Variants in TNR observed in about 807,000 individuals in gnomAD.
The protein encoded by TNR is tenascin-R.
A neutral mutation model predicts 150.4 loss-of-function variants in TNR; 45 were observed. That is an observed-to-expected ratio of 0.30 (90% CI 0.24 to 0.38). TNR has a LOEUF of 0.38. TNR is among the 10% of genes least tolerant of loss of function. The pLI is 1.00. For synonymous variants in TNR, 687 were observed against 678.4 expected, an observed-to-expected ratio of 1.01 and a Z score of -0.20; for missense variants, 1,544 against 1,759.1, an observed-to-expected ratio of 0.88 and a Z score of 2.19.
chr1:175,400,737 T>A (rs1254725697), intron 4 of TNR, among the ~76,000 whole-genome samples: 1 of 152,122 alleles, frequency 6.6e-6, no homozygotes, highest in East Asian at 1.9e-4. Flanking sequence ...TTCTCTCTCC[T>A]CTCCTCAGTC....
intron 2 of TNR, among the ~76,000 whole-genome samples, chr1:175,477,013 AG>A (rs1235379800): frequency 4.6e-5 from 7 of 152,216 alleles, no homozygotes; most frequent in African/African-American, 1.7e-4. Context: ...TTCATGGGAA[AG>A]AAGAACCAAA....
chr1:175,408,170 A>G (rs1306461061), intron 2 of TNR, among the ~76,000 whole-genome samples: 3 of 152,152 alleles, frequency 2.0e-5, no homozygotes, highest in Non-Finnish European at 4.4e-5. Context: ...TGGACTGCTA[A>G]GTCCTTGTCG....
At chr1:175,663,512 A>G (rs1248410686) in intron 1 of TNR, among the ~76,000 whole-genome samples, 1 of 152,220 alleles carries the variant, frequency 6.6e-6, no homozygotes, top group Non-Finnish European at 1.5e-5. Flanking sequence ...CACAGAAAAC[A>G]CACAAGGATT....
At chr1:175,375,234 T>A (rs1652320354) in intron 9 of TNR, among the ~76,000 whole-genome samples, 3 of 151,894 alleles carry the variant, frequency 2.0e-5, no homozygotes, top group Admixed American at 1.3e-4. Flanking sequence ...TGTTACATGG[T>A]GCCAGGTTCT....
rs145152698 is a variant in TNR, at chr1:175,504,264, T to A, written c.-64+24005A>T. On this transcript the variant is annotated intron_variant, in intron 2 of 22. Coordinates refer to ENST00000367674, the MANE Select transcript of TNR (RefSeq NM_003285.3). Reference sequence around the variant, plus strand: ...GAGTGGCTGTCTTTTCCAGGCCCAGTGCTAGGCGCTCTGCATGCATTATCT... The same window carrying A: ...GAGTGGCTGTCTTTTCCAGGCCCAGAGCTAGGCGCTCTGCATGCATTATCT... 3.9e-3 allele frequency among the ~76,000 whole-genome samples: 600 copies of A among 152,262 alleles called. 7 individuals carry two copies. Among genetic ancestry groups the A allele is most frequent in the African/African-American group, 0.014 (576 of 41,544 alleles).
At chr1:175,365,792 G>A (rs1477614460) in intron 11 of TNR, 83 bp downstream of exon 11, 2 of 1,533,660 alleles carry the variant, frequency 1.3e-6, no homozygotes, top group African/African-American at 2.7e-5. Flanking sequence ...TGGAACATTG[G>A]AAGAGTGACT....
intron 18 of TNR, among the ~76,000 whole-genome samples, chr1:175,340,551 C>T (rs1474057508): frequency 6.6e-6 from 1 of 152,184 alleles, no homozygotes. Flanking sequence ...AAGGCAGAGG[C>T]TCACTAATGG....
chr1:175,510,940 A>C (rs577732810), intron 2 of TNR, among the ~76,000 whole-genome samples: 1 of 152,364 alleles, frequency 6.6e-6, no homozygotes, highest in African/African-American at 2.4e-5. Flanking sequence ...ACTAGTTTAG[A>C]GTAGAATTAC....
intron 14 of TNR, among the ~76,000 whole-genome samples, chr1:175,360,741 A>G (rs1651552595): frequency 6.6e-6 from 1 of 152,222 alleles, no homozygotes; most frequent in African/African-American, 2.4e-5. Flanking sequence ...TTGTATCCAT[A>G]ATCTGCATGT....
chr1:175,332,630 A>G (rs1191010829), intron 20 of TNR, among the ~76,000 whole-genome samples: 1 of 152,150 alleles, frequency 6.6e-6, no homozygotes, highest in Non-Finnish European at 1.5e-5. Flanking sequence ...CTGTGCCTCT[A>G]TTCAACCCAC....
intron 1 of TNR, among the ~76,000 whole-genome samples, chr1:175,673,949 G>T (rs554887902): frequency 6.6e-6 from 1 of 152,254 alleles, no homozygotes; most frequent in African/African-American, 2.4e-5. Context: ...CCTAGGAGGT[G>T]CTGGAGGCAC....
rs138363480 is a variant in TNR, at chr1:175,407,899, G to A, written c.-63-1122C>T. Among the ~76,000 whole-genome samples the A allele has an allele frequency of 1.6e-3, 251 of 152,322 alleles. 2 individuals carry two copies. The highest frequency in any genetic ancestry group is 5.8e-3 in the African/African-American group (242 of 41,568). ...TATGTCCCAGGGCTTTTCTTGAAAA[G>A]AGTGTTCAATTTTCTCTTGTCTTTG... On this transcript the variant is annotated intron_variant, in intron 2 of 22. Coordinates refer to ENST00000367674, the MANE Select transcript of TNR (RefSeq NM_003285.3).
At chr1:175,453,610 G>C (rs770502581) in intron 2 of TNR, among the ~76,000 whole-genome samples, 12 of 151,814 alleles carry the variant, frequency 7.9e-5, no homozygotes, top group Non-Finnish European at 1.6e-4. Context: ...ATCCAGGCTG[G>C]AGTGCTGTGG....
chr1:175,702,554 C>T (rs1255003866), intron 1 of TNR, among the ~76,000 whole-genome samples: 1 of 152,212 alleles, frequency 6.6e-6, no homozygotes, highest in East Asian at 1.9e-4. Flanking sequence ...CTGGTTATCC[C>T]ATGCTGAAAT....
Position 175,415,549 on chromosome 1 carries a change from TC to T in TNR, c.-63-8773del, listed in dbSNP as rs1654400814. On this transcript the variant is annotated intron_variant, in intron 2 of 22. Transcript: ENST00000367674. ...TGTTTGATGTATCCCCATGTGGGAA[TC>T]TGCAGGAAGGGTCTTTGGTTCAGAA... 3.3e-5 allele frequency among the ~76,000 whole-genome samples: 5 copies of T among 152,344 alleles called. No individual in the cohort carries two copies. The South Asian group carries it at 1.0e-3, about 32-fold the overall frequency.
rs1250512701 is a variant in TNR, at chr1:175,665,954, A to G, written c.-165+77272T>C. Among the ~76,000 whole-genome samples the G allele has an allele frequency of 2.0e-5, 3 of 152,196 alleles. No individual in the cohort carries two copies. The East Asian group carries it at 5.8e-4, about 29-fold the overall frequency. ...CTTACTGAATACCTACTATGTGCCA[A>G]AACTTGAGTAATGACAAAGATCATT... On this transcript the variant is annotated intron_variant, in intron 1 of 22. Coordinates refer to ENST00000367674, the MANE Select transcript of TNR (RefSeq NM_003285.3).
intron 6 of TNR, among the ~76,000 whole-genome samples, chr1:175,392,169 T>A (rs1653200499): frequency 1.5e-5 from 2 of 130,318 alleles, no homozygotes. Flanking sequence ...GAATCTAGGA[T>A]TTATTATCTA....
At chr1:175,708,151 T>G (rs1466218748) in intron 1 of TNR, among the ~76,000 whole-genome samples, 2 of 151,686 alleles carry the variant, frequency 1.3e-5, no homozygotes, top group African/African-American at 2.4e-5. Flanking sequence ...TTACAGAGAG[T>G]CAGTAACATA....
intron 2 of TNR, among the ~76,000 whole-genome samples, chr1:175,479,653 C>G (rs558010717): frequency 1.3e-5 from 2 of 152,134 alleles, no homozygotes; most frequent in Non-Finnish European, 2.9e-5. Context: ...ACTGCCTTGA[C>G]GTCAAGCTAA....
Sources: allele counts gnomAD v4.1 joint callset (sites outside exome capture counted in the v4.1 genomes callset), GRCh38; gene constraint gnomAD v4.1.1; transcripts MANE v1.5; gene names NCBI Gene and HGNC (gene_info 2026-07-23, HGNC 2026-07-21).